Variants in KCNQ5 observed in about 807,000 individuals in gnomAD.
KCNQ5 encodes potassium voltage-gated channel subfamily Q member 5, also known as potassium voltage-gated channel subfamily KQT member 5.
In KCNQ5, 30 loss-of-function variants were observed where a neutral mutation model predicts 98.2. The observed-to-expected ratio is 0.31, with a 90% CI of 0.23 to 0.41. The LOEUF (loss-of-function observed/expected upper bound fraction) is 0.41, where lower values mean the gene tolerates loss of function less well. Among genes scored for constraint, KCNQ5 ranks in the 10% least tolerant of loss-of-function variants. KCNQ5 has a pLI of 1.00. For missense variants in KCNQ5, 835 were observed against 1,182.5 expected (o/e 0.71, Z 4.31); for synonymous variants, 458 against 449.4 (o/e 1.02, Z -0.24).
intron 1 of KCNQ5, among the ~76,000 whole-genome samples, chr6:72,854,247 A>G (rs1005331164): frequency 4.1e-5 from 6 of 145,796 alleles, no homozygotes; most frequent in Non-Finnish European, 6.0e-5. Context: ...AAAGGGGGGA[A>G]ATAGATGTAT....
intron 1 of KCNQ5, among the ~76,000 whole-genome samples, chr6:72,785,494 CA>C (rs1223804513): frequency 6.6e-6 from 1 of 151,678 alleles, no homozygotes; most frequent in Non-Finnish European, 1.5e-5. Context: ...ACTAAAAATG[CA>C]AAAAATTAGC....
intron 1 of KCNQ5, among the ~76,000 whole-genome samples, chr6:72,795,140 C>G (rs528194989): frequency 9.2e-5 from 14 of 152,294 alleles, no homozygotes; most frequent in African/African-American, 3.4e-4. Context: ...CAAAACAAAA[C>G]TTTCTTTTTC....
In KCNQ5 at chr6:72,928,925, G is replaced by C. The variant is rs1765561880; in HGVS notation, c.399-74983G>C. Among the ~76,000 whole-genome samples, 5 of 152,204 alleles carry C rather than the reference G, an allele frequency of 3.3e-5. No individual in the cohort carries two copies. The South Asian group carries it at 1.0e-3, about 32-fold the overall frequency. On this transcript the variant is annotated intron_variant, in intron 1 of 13. Transcript: ENST00000370398. Reference sequence around the variant, plus strand: ...GTGCCAGGCACTCTGCTGGGTGTTAGAGATATAAAGATAAGTAAGACTTGG... The same window carrying C: ...GTGCCAGGCACTCTGCTGGGTGTTACAGATATAAAGATAAGTAAGACTTGG...
At chr6:73,137,933 G>A (rs80102068) in intron 10 of KCNQ5, among the ~76,000 whole-genome samples, 231 of 151,688 alleles carry the variant, frequency 1.5e-3, no homozygotes, top group African/African-American at 5.0e-3. Context: ...AACTTCAATC[G>A]GTCAGATTCC....
At chr6:72,645,602 T>C (rs147245797) in intron 1 of KCNQ5, among the ~76,000 whole-genome samples, 12 of 152,178 alleles carry the variant, frequency 7.9e-5, no homozygotes, top group African/African-American at 2.9e-4. Flanking sequence ...TCTACCTGCA[T>C]CTCCCTCATA....
chr6:72,882,767 T>C (rs748484436), intron 1 of KCNQ5, among the ~76,000 whole-genome samples: 30 of 152,200 alleles, frequency 2.0e-4, no homozygotes, highest in Non-Finnish European at 4.1e-4. Flanking sequence ...GCACACATCA[T>C]ATACATTCTA....
chr6:72,983,754 C>T (rs1768595129), intron 1 of KCNQ5, among the ~76,000 whole-genome samples: 1 of 150,166 alleles, frequency 6.7e-6, no homozygotes, highest in Non-Finnish European at 1.5e-5. Flanking sequence ...AGAAGAGGCA[C>T]TCTGCTTTTT....
intron 1 of KCNQ5, among the ~76,000 whole-genome samples, chr6:72,955,516 A>G (rs1446423782): frequency 6.6e-6 from 1 of 152,182 alleles, no homozygotes; most frequent in Admixed American, 6.5e-5. Flanking sequence ...TATTATAACT[A>G]TAAGTAGGAA....
intron 1 of KCNQ5, among the ~76,000 whole-genome samples, chr6:72,652,330 T>C (rs1448928619): frequency 1.3e-5 from 2 of 151,996 alleles, no homozygotes; most frequent in Non-Finnish European, 1.5e-5. Flanking sequence ...ATTTTAATTA[T>C]GTGCTTCCTT....
At chr6:73,152,590 T>G (rs1032769887) in intron 10 of KCNQ5, among the ~76,000 whole-genome samples, 4 of 152,226 alleles carry the variant, frequency 2.6e-5, no homozygotes, top group Non-Finnish European at 4.4e-5. Context: ...TTCTGTTACC[T>G]TCTAGTTGCT....
chr6:73,062,139 G>A (rs761325566), intron 3 of KCNQ5, among the ~76,000 whole-genome samples: 20 of 152,136 alleles, frequency 1.3e-4, no homozygotes, highest in Non-Finnish European at 2.6e-4. Flanking sequence ...CCTAAAGGAT[G>A]TGGTTTAATT....
intron 1 of KCNQ5, among the ~76,000 whole-genome samples, chr6:72,957,852 G>T (rs141556614): frequency 1.3e-5 from 2 of 152,190 alleles, no homozygotes; most frequent in East Asian, 3.9e-4. Flanking sequence ...CCCAGGAAAA[G>T]ATTTCATTCT....
intron 5 of KCNQ5, among the ~76,000 whole-genome samples, chr6:73,104,726 T>C (rs893412151): frequency 1.3e-5 from 2 of 152,208 alleles, no homozygotes; most frequent in Non-Finnish European, 2.9e-5. Flanking sequence ...ACCTCCATTA[T>C]AATACCTCTC....
intron 1 of KCNQ5, among the ~76,000 whole-genome samples, chr6:72,941,516 CT>C (rs1178516346): frequency 5.1e-5 from 5 of 98,378 alleles, no homozygotes; most frequent in Admixed American, 1.1e-4. Context: ...CTCTCCCTCC[CT>C]TCCTTCCTTC....
At chr6:73,153,340 T>C (rs1415775089) in intron 10 of KCNQ5, among the ~76,000 whole-genome samples, 1 of 152,166 alleles carries the variant, frequency 6.6e-6, no homozygotes, top group Non-Finnish European at 1.5e-5. Flanking sequence ...TTTTAAAGTA[T>C]TTCATCACTA....
chr6:72,635,150 T>C (rs533482188), intron 1 of KCNQ5, among the ~76,000 whole-genome samples: 4 of 151,738 alleles, frequency 2.6e-5, no homozygotes, highest in African/African-American at 9.7e-5. Context: ...CCTCAGCCTC[T>C]TGAGTAGCTG....
chr6:73,182,265 G>A (rs944798008), intron 11 of KCNQ5, among the ~76,000 whole-genome samples: 4 of 152,146 alleles, frequency 2.6e-5, no homozygotes, highest in Admixed American at 6.5e-5. Flanking sequence ...ATGGCTGCTC[G>A]CATGCTACAG....
At chr6:72,795,958 T>C (rs1297128315) in intron 1 of KCNQ5, among the ~76,000 whole-genome samples, 2 of 152,120 alleles carry the variant, frequency 1.3e-5, no homozygotes, top group Non-Finnish European at 2.9e-5. Context: ...CCCTGTTTAC[T>C]AGGAAAAAAC....
chr6:72,674,150 A>G (rs529063893), intron 1 of KCNQ5, among the ~76,000 whole-genome samples: 1 of 152,170 alleles, frequency 6.6e-6, no homozygotes, highest in Non-Finnish European at 1.5e-5. Context: ...TGGAAACAGG[A>G]GAAGAAAATA....
Sources: gnomAD v4.1 joint callset for allele counts (sites outside exome capture counted in the v4.1 genomes callset) on GRCh38, gnomAD v4.1.1 for gene constraint, MANE v1.5 for transcripts, NCBI Gene and HGNC (gene_info 2026-07-23, HGNC 2026-07-21) for gene names.